The following PTGER3 variants were observed in gnomAD, a reference collection of about 807,000 sequenced individuals.
PTGER3 encodes the protein prostaglandin E receptor 3.
Under a neutral mutation model 34.7 loss-of-function variants are expected in PTGER3, and 22 were observed. The ratio of observed to expected loss-of-function variants is 0.63; its 90% CI spans 0.45 to 0.91. The LOEUF (loss-of-function observed/expected upper bound fraction) is 0.91. Among genes scored for constraint, PTGER3 ranks in the 40% least tolerant of loss-of-function variants. The probability of loss-of-function intolerance (pLI) is 0.00; values close to 1 mark genes in which losing one functional copy is unlikely to be tolerated. For synonymous variants in PTGER3, 241 were observed against 230.1 expected, an observed-to-expected ratio of 1.05 and a Z score of -0.43; for missense variants, 468 against 519.4, an observed-to-expected ratio of 0.90 and a Z score of 0.96.
intron 4 of PTGER3, among the ~76,000 whole-genome samples, chr1:70,929,040 C>A: frequency 6.6e-6 from 1 of 152,092 alleles, no homozygotes; most frequent in Non-Finnish European, 1.5e-5. Flanking sequence ...TTTCAGAACT[C>A]CGTTTCTCAG....
intron 4 of PTGER3, among the ~76,000 whole-genome samples, chr1:70,899,591 T>C (rs1362872119): frequency 6.6e-6 from 1 of 152,080 alleles, no homozygotes; most frequent in Non-Finnish European, 1.5e-5. Context: ...GGTGCTTTTA[T>C]GCTTCTGCTT....
intron 4 of PTGER3, among the ~76,000 whole-genome samples, chr1:70,855,352 A>T (rs1261624512): frequency 6.6e-6 from 1 of 152,198 alleles, no homozygotes; most frequent in Admixed American, 6.5e-5. Flanking sequence ...CGATGGGTAT[A>T]GAGTTTCAGT....
At chr1:70,859,047 T>C (rs1645871457) in intron 4 of PTGER3, among the ~76,000 whole-genome samples, 1 of 152,226 alleles carries the variant, frequency 6.6e-6, no homozygotes, top group Admixed American at 6.5e-5. Context: ...CTCATTTTGC[T>C]GCTAAGGGTA....
At chr1:70,956,359 G>T (rs2100606954) in intron 2 of PTGER3, among the ~76,000 whole-genome samples, 1 of 143,948 alleles carries the variant, frequency 6.9e-6, no homozygotes, top group Non-Finnish European at 1.5e-5. Context: ...AAGAACTTTG[G>T]AAATATGCTT....
intron 2 of PTGER3, chr1:71,006,825 C>T (rs999696795): frequency 9.6e-5 from 95 of 985,194 alleles, no homozygotes; most frequent in African/African-American, 1.6e-4. Flanking sequence ...GTATTCCTGA[C>T]GTGAGTTGAC....
intron 4 of PTGER3, among the ~76,000 whole-genome samples, chr1:70,874,469 AT>A: frequency 6.6e-6 from 1 of 151,596 alleles, no homozygotes; most frequent in East Asian, 1.9e-4. Context: ...AGTTATATAC[AT>A]TTTTTCAGTG....
chr1:70,889,139 C>T (rs1363541856), intron 4 of PTGER3, among the ~76,000 whole-genome samples: 2 of 152,102 alleles, frequency 1.3e-5, no homozygotes, highest in African/African-American at 2.4e-5. Flanking sequence ...GCACCAGTAC[C>T]TCAATCGGAT....
chr1:71,022,689 GCTCT>G (rs775850271), intron 1 of PTGER3, among the ~76,000 whole-genome samples: 1 of 150,678 alleles, frequency 6.6e-6, no homozygotes, highest in Admixed American at 6.6e-5. Context: ...TCTAGTCAGT[GCTCT>G]CTCTCTCTCT....
At chr1:70,954,261 C>T (rs1462825197) in intron 2 of PTGER3, among the ~76,000 whole-genome samples, 1 of 152,108 alleles carries the variant, frequency 6.6e-6, no homozygotes, top group Non-Finnish European at 1.5e-5. Context: ...CAAGAGGATC[C>T]ATCTAGCTTA....
At chr1:70,953,686 C>A (rs1397334464) in intron 3 of PTGER3, 15 of 1,524,656 alleles carry the variant, frequency 9.8e-6, no homozygotes, top group Middle Eastern at 1.7e-4. Context: ...GGAAATATGA[C>A]AAACAGTACA....
At chr1:71,019,865 G>T (rs1658242259) in intron 1 of PTGER3, among the ~76,000 whole-genome samples, 1 of 152,158 alleles carries the variant, frequency 6.6e-6, no homozygotes, top group Non-Finnish European at 1.5e-5. Flanking sequence ...ATTCTGGGGT[G>T]TTTCTGCATT....
At chr1:70,905,521 C>A (rs1646927768) in intron 4 of PTGER3, among the ~76,000 whole-genome samples, 1 of 152,084 alleles carries the variant, frequency 6.6e-6, no homozygotes. Context: ...ATCACAGAGA[C>A]CTGAATGTGA....
intron 4 of PTGER3, among the ~76,000 whole-genome samples, chr1:70,856,232 G>A (rs568110428): frequency 5.3e-5 from 8 of 151,930 alleles, no homozygotes; most frequent in Admixed American, 1.3e-4. Context: ...ACCTAGCCAA[G>A]ATAACTCATT....
intron 2 of PTGER3, among the ~76,000 whole-genome samples, chr1:70,955,557 A>G (rs1651236424): frequency 6.6e-6 from 1 of 152,102 alleles, no homozygotes; most frequent in Non-Finnish European, 1.5e-5. Flanking sequence ...CCTACTAAGA[A>G]AAACAATACT....
chr1:70,939,835 G>T (rs770427421), intron 4 of PTGER3, among the ~76,000 whole-genome samples: 14 of 152,136 alleles, frequency 9.2e-5, no homozygotes, highest in Middle Eastern at 3.2e-3. Flanking sequence ...GATAGGAGGG[G>T]CTGCCATGAA....
At position 70,865,584 on chromosome 1, in the gene PTGER3, C is replaced by T; in HGVS notation, c.*24-12725G>A. 3 of 1,230,664 alleles carry T rather than the reference C, an allele frequency of 2.4e-6. No individual in the cohort carries two copies. In the Admixed American group the frequency reaches 6.6e-5, roughly 27 times the overall value. 76.2% of individuals were successfully genotyped at this position (1,230,664 alleles called of 1,614,324 possible). ...GGCCACAAAAAGATAGGTGGGACAACAGAGATGAAAGATGGTAAGTTATTT... is the reference window on the plus strand; with the variant it reads ...GGCCACAAAAAGATAGGTGGGACAATAGAGATGAAAGATGGTAAGTTATTT... On this transcript the variant is annotated intron_variant, in intron 4 of 4. Transcript: ENST00000370931.
At chr1:70,908,825 G>C (rs929181086) in intron 4 of PTGER3, among the ~76,000 whole-genome samples, 5 of 152,128 alleles carry the variant, frequency 3.3e-5, no homozygotes, top group Non-Finnish European at 7.3e-5. Context: ...CTATATACTA[G>C]GCATTAAAGC....
chr1:71,001,493 A>G (rs1443796610), intron 2 of PTGER3, among the ~76,000 whole-genome samples: 1 of 152,208 alleles, frequency 6.6e-6, no homozygotes, highest in Non-Finnish European at 1.5e-5. Context: ...ATTCAGGAGA[A>G]AGAGTGGGAA....
intron 1 of PTGER3, among the ~76,000 whole-genome samples, chr1:71,041,113 C>A (rs1471957817): frequency 6.6e-6 from 1 of 152,168 alleles, no homozygotes; most frequent in African/African-American, 2.4e-5. Flanking sequence ...AGGGTTACGT[C>A]TGGGTAAACT....
Sources: gnomAD v4.1 joint callset for allele counts (sites outside exome capture counted in the v4.1 genomes callset) on GRCh38, gnomAD v4.1.1 for gene constraint, MANE v1.5 for transcripts, NCBI Gene and HGNC (gene_info 2026-07-23, HGNC 2026-07-21) for gene names.